CREBRF: variants seen among roughly 807,000 people sequenced by gnomAD.
CREBRF encodes the protein UPF0474 protein C5orf41.
In CREBRF, 5 loss-of-function variants were observed where a neutral mutation model predicts 66.1. The ratio of observed to expected loss-of-function variants is 0.08; its 90% CI spans 0.04 to 0.16. CREBRF has a LOEUF of 0.16. Among genes scored for constraint, CREBRF ranks in the 10% least tolerant of loss-of-function variants. The pLI, the probability that CREBRF is intolerant of heterozygous loss-of-function variation, is 1.00. For synonymous variants in CREBRF, 229 were observed against 264.4 expected, an observed-to-expected ratio of 0.87 and a Z score of 1.30; for missense variants, 531 against 744.9, an observed-to-expected ratio of 0.71 and a Z score of 3.34.
At chr5:173,117,645 CCTCTCT>C (rs139061048) in intron 7 of CREBRF, among the ~76,000 whole-genome samples, 13 of 67,110 alleles carry the variant, frequency 1.9e-4, no homozygotes, top group East Asian at 6.5e-4. Flanking sequence ...CTCCTTCTCT[CCTCTCT>C]CTCTCTCTCT....
intron 1 of CREBRF, among the ~76,000 whole-genome samples, chr5:173,061,663 T>C (rs888729375): frequency 3.9e-5 from 6 of 152,206 alleles, no homozygotes; most frequent in African/African-American, 1.4e-4. Context: ...TATTCAAATA[T>C]GCAGTTAATT....
At chr5:173,061,333 C>A (rs251245) in intron 1 of CREBRF, among the ~76,000 whole-genome samples, 73,455 of 152,088 alleles carry the variant, frequency 0.48, 18,955 homozygotes, top group Non-Finnish European at 0.58. Flanking sequence ...ACTTTAGGTA[C>A]ATTTGAGCAT....
intron 8 of CREBRF, among the ~76,000 whole-genome samples, chr5:173,128,641 CT>C (rs1759330600): frequency 6.6e-6 from 1 of 151,850 alleles, no homozygotes; most frequent in South Asian, 2.1e-4. Context: ...AAGTACACTT[CT>C]TGTCTGGTAT....
intron 1 of CREBRF, among the ~76,000 whole-genome samples, chr5:173,069,473 C>T (rs1013729864): frequency 6.6e-6 from 1 of 152,036 alleles, no homozygotes; most frequent in African/African-American, 2.4e-5. Flanking sequence ...ACATGTGCGC[C>T]ACCACACCCA....
chr5:173,089,134 G>A (rs1442223977), intron 3 of CREBRF, among the ~76,000 whole-genome samples: 3 of 141,636 alleles, frequency 2.1e-5, no homozygotes, highest in South Asian at 4.4e-4. Flanking sequence ...CCAAGATCGC[G>A]CCACTGCACT....
intron 4 of CREBRF, among the ~76,000 whole-genome samples, chr5:173,100,690 C>T (rs1192481083): frequency 6.6e-6 from 1 of 152,232 alleles, no homozygotes; most frequent in Admixed American, 6.5e-5. Flanking sequence ...TCGAAAAGTG[C>T]TGGGATTACA....
chr5:173,106,290 CGTG>C (rs1037187320), intron 4 of CREBRF, among the ~76,000 whole-genome samples: 13 of 151,864 alleles, frequency 8.6e-5, no homozygotes, highest in Non-Finnish European at 1.5e-5. Context: ...ATTAGCCAGG[CGTG>C]GTGGTGGGCG....
chr5:173,060,841 A>T (rs1757248284), intron 1 of CREBRF, among the ~76,000 whole-genome samples: 1 of 152,002 alleles, frequency 6.6e-6, no homozygotes, highest in Non-Finnish European at 1.5e-5. Flanking sequence ...TGTAGAAAAT[A>T]TGTTCTACAT....
rs1047790470 is a variant in CREBRF at position 173,136,619 on chromosome 5, G to A, written c.*2874G>A. ...AGGGGACTCTGTGGCATTTAAAACC[G>A]TCTAGAAATGGTTGTACTTTAATGC... On this transcript the variant is annotated 3_prime_UTR_variant, in exon 9 of 9. Coordinates refer to ENST00000296953, the MANE Select transcript of CREBRF (RefSeq NM_153607.3). 5 of 152,438 alleles carry A rather than the reference G, an allele frequency of 3.3e-5. No individual in the cohort carries two copies. Among genetic ancestry groups the A allele is most frequent in the African/African-American group, 1.2e-4 (5 of 41,442 alleles). 9.4% of individuals were successfully genotyped at this position (152,438 alleles called of 1,614,324 possible).
intron 1 of CREBRF, among the ~76,000 whole-genome samples, chr5:173,067,731 C>T (rs1757475051): frequency 6.6e-6 from 1 of 152,214 alleles, no homozygotes; most frequent in African/African-American, 2.4e-5. Flanking sequence ...GGTGCCGTGG[C>T]TCACACCTGT....
intron 1 of CREBRF, among the ~76,000 whole-genome samples, chr5:173,059,555 C>T (rs1419801931): frequency 3.3e-5 from 5 of 152,136 alleles, no homozygotes; most frequent in Admixed American, 2.0e-4. Context: ...TGAGCCACCG[C>T]GCCTGGCCTA....
chr5:173,110,011 A>G (rs1212000554), intron 5 of CREBRF: 1 of 196,628 alleles, frequency 5.1e-6, no homozygotes, highest in South Asian at 9.5e-5. Context: ...TCAAAGCAAC[A>G]AAAGAAGAGC....
rs1412080238 is a variant in CREBRF at position 173,080,833 on chromosome 5, A to G, written c.9+49A>G. ...AAGTTTTTTATTTTCCCACTACAGA[A>G]AGTCAATACCTTTGACTCTTAAATG... On this transcript the variant is annotated intron_variant, in intron 2 of 8. Transcript: ENST00000296953. 8 of 1,578,550 alleles carry G rather than the reference A, an allele frequency of 5.1e-6. No individual in the cohort carries two copies. In the African/African-American group the frequency reaches 8.1e-5, roughly 16 times the overall value.
At chr5:173,108,510 T>C (rs1758799369) in intron 4 of CREBRF, 114 bp from the exon 5 acceptor site, 2 of 827,264 alleles carry the variant, frequency 2.4e-6, no homozygotes, top group African/African-American at 1.7e-5. Flanking sequence ...ATGCCAATGA[T>C]GTTTTCAGAT....
intron 1 of CREBRF, among the ~76,000 whole-genome samples, chr5:173,069,609 A>T (rs141960406): frequency 1.2e-4 from 19 of 152,064 alleles, no homozygotes; most frequent in African/African-American, 4.3e-4. Context: ...GGCGTGAGCC[A>T]CCATGCCTGG....
At chr5:173,058,838 C>G (rs1340972554) in intron 1 of CREBRF, among the ~76,000 whole-genome samples, 1 of 142,228 alleles carries the variant, frequency 7.0e-6, no homozygotes, top group African/African-American at 2.6e-5. Flanking sequence ...GTCTGTCGCC[C>G]AGGCTGGAGT....
At chr5:173,074,791 T>G (rs1044460716) in intron 1 of CREBRF, among the ~76,000 whole-genome samples, 1 of 151,850 alleles carries the variant, frequency 6.6e-6, no homozygotes, top group Admixed American at 6.6e-5. Flanking sequence ...CCTGGCTAAT[T>G]TTTGTATTTT....
chr5:173,110,805 TATTTTTCTTGTATAAATACTACA>T, intron 6 of CREBRF, 94 bp downstream of exon 6: 1 of 844,114 alleles, frequency 1.2e-6, no homozygotes, highest in Non-Finnish European at 1.8e-6. Context: ...AAAGAAATTG[TATTTTTCTTGTATAAATACTACA>T]ATGAGAATAT....
intron 7 of CREBRF, among the ~76,000 whole-genome samples, chr5:173,114,396 C>G (rs1348377664): frequency 6.6e-6 from 1 of 152,038 alleles, no homozygotes; most frequent in Non-Finnish European, 1.5e-5. Flanking sequence ...CCAATAGTTT[C>G]TAGAATTTGT....
Sources: allele counts gnomAD v4.1 joint callset (sites outside exome capture counted in the v4.1 genomes callset), GRCh38; gene constraint gnomAD v4.1.1; transcripts MANE v1.5; gene names NCBI Gene and HGNC (gene_info 2026-07-23, HGNC 2026-07-21).